ETV6: variants seen among roughly 807,000 people sequenced by gnomAD.
ETV6 encodes ETS variant transcription factor 6.
In ETV6, 16 loss-of-function variants were observed where a neutral mutation model predicts 51.1. The observed-to-expected ratio is 0.31, with a 90% CI of 0.21 to 0.48. The LOEUF (loss-of-function observed/expected upper bound fraction) is 0.48, where lower values mean the gene tolerates loss of function less well. Among genes scored for constraint, ETV6 ranks in the 20% least tolerant of loss-of-function variants. The probability of loss-of-function intolerance (pLI) is 0.99; values close to 1 mark genes in which losing one functional copy is unlikely to be tolerated. For missense variants in ETV6, 458 were observed against 594.8 expected (o/e 0.77, Z 2.39); for synonymous variants, 240 against 224.1 (o/e 1.07, Z -0.64).
intron 1 of ETV6, among the ~76,000 whole-genome samples, chr12:11,721,189 CA>C (rs539056883): frequency 3.9e-4 from 60 of 152,260 alleles, no homozygotes; most frequent in African/African-American, 1.4e-3. Context: ...AGCTACCATT[CA>C]GCCCATAAAT....
At chr12:11,855,008 A>G (rs770277461) in intron 4 of ETV6, among the ~76,000 whole-genome samples, 7 of 151,986 alleles carry the variant, frequency 4.6e-5, no homozygotes, top group Non-Finnish European at 1.0e-4. Context: ...TAAAAACCTT[A>G]CTTGAGGCCA....
intron 4 of ETV6, among the ~76,000 whole-genome samples, chr12:11,867,697 T>C (rs1946810058): frequency 6.6e-6 from 1 of 152,238 alleles, no homozygotes; most frequent in Non-Finnish European, 1.5e-5. Flanking sequence ...TCTTCATATA[T>C]GTATATTATC....
At chr12:11,678,875 C>T (rs1434199739) in intron 1 of ETV6, among the ~76,000 whole-genome samples, 1 of 152,104 alleles carries the variant, frequency 6.6e-6, no homozygotes, top group African/African-American at 2.4e-5. Flanking sequence ...AAGGGAGTGA[C>T]TGGTGAATTC....
rs181612766 is a variant in ETV6, at chr12:11,785,047, T to G, written c.163+32468T>G. On this transcript the variant is annotated intron_variant, in intron 2 of 7. Coordinates refer to ENST00000396373, the MANE Select transcript of ETV6 (RefSeq NM_001987.5). ...ATTAATAATTTGCCAATGAGAATTG[T>G]AAGCAATGGATTGACATGCTCTTTG... Among the ~76,000 whole-genome samples, 5 of 152,044 alleles carry G rather than the reference T, an allele frequency of 3.3e-5. No homozygotes were observed. In the East Asian group the frequency reaches 5.8e-4, roughly 18 times the overall value.
intron 1 of ETV6, among the ~76,000 whole-genome samples, chr12:11,713,273 C>A (rs1487091012): frequency 3.3e-5 from 5 of 152,136 alleles, no homozygotes; most frequent in Non-Finnish European, 5.9e-5. Context: ...CTAACACATA[C>A]GTGTGCATTG....
At chr12:11,817,844 G>A (rs1310091541) in intron 2 of ETV6, among the ~76,000 whole-genome samples, 3 of 152,110 alleles carry the variant, frequency 2.0e-5, no homozygotes, top group East Asian at 1.9e-4. Context: ...AATTTAACAC[G>A]GCGTCCTAGA....
At chr12:11,706,262 G>A (rs1021185938) in intron 1 of ETV6, among the ~76,000 whole-genome samples, 2 of 152,176 alleles carry the variant, frequency 1.3e-5, no homozygotes, top group East Asian at 1.9e-4. Flanking sequence ...GATAATAACC[G>A]TGTGAGAAAA....
chr12:11,767,078 G>A (rs1010324934), intron 2 of ETV6, among the ~76,000 whole-genome samples: 7 of 152,258 alleles, frequency 4.6e-5, no homozygotes, highest in South Asian at 2.1e-4. Context: ...CATTTGGGGC[G>A]TGAGAACAGT....
chr12:11,857,868 G>A lies in ETV6; in HGVS notation c.463+4307G>A, dbSNP rs1946654838. On this transcript the variant is annotated intron_variant, in intron 4 of 7. Transcript: ENST00000396373. ...TAAATGGTTTCTGCAGTCTCTTACA[G>A]CTCTCAAATCCCCACATTACGTCCA... is the stretch of plus-strand genomic sequence containing the variant. Among the ~76,000 whole-genome samples the A allele has an allele frequency of 2.6e-5, 4 of 152,192 alleles. No homozygotes were observed. The South Asian group carries it at 8.3e-4, about 31-fold the overall frequency.
intron 2 of ETV6, among the ~76,000 whole-genome samples, chr12:11,818,398 C>G (rs116849479): frequency 6.6e-6 from 1 of 151,998 alleles, no homozygotes; most frequent in African/African-American, 2.4e-5. Flanking sequence ...CGTGGTGATG[C>G]ATGCGTGTAA....
At chr12:11,652,390 T>A (rs1228072770) in intron 1 of ETV6, among the ~76,000 whole-genome samples, 1 of 152,194 alleles carries the variant, frequency 6.6e-6, no homozygotes, top group Non-Finnish European at 1.5e-5. Flanking sequence ...TTTCATTTAG[T>A]CCTTGGGATG....
intron 1 of ETV6, among the ~76,000 whole-genome samples, chr12:11,697,976 C>G (rs1864908808): frequency 6.6e-6 from 1 of 152,042 alleles, no homozygotes; most frequent in African/African-American, 2.4e-5. Context: ...GGCTGACTTG[C>G]CTAATTTGAA....
At chr12:11,810,965 A>G (rs1945904121) in intron 2 of ETV6, among the ~76,000 whole-genome samples, 1 of 151,944 alleles carries the variant, frequency 6.6e-6, no homozygotes, top group Non-Finnish European at 1.5e-5. Flanking sequence ...AACACCTCCA[A>G]TTCCAATTTT....
chr12:11,842,972 A>G (rs1471281282), intron 3 of ETV6, among the ~76,000 whole-genome samples: 2 of 152,234 alleles, frequency 1.3e-5, no homozygotes. Flanking sequence ...TTGGACATCT[A>G]AAACAAGAGG....
At position 11,650,034 on chromosome 12, in the gene ETV6, C is replaced by T; in HGVS notation, c.-94C>T. 1 of 1,138,196 alleles carries T rather than the reference C, an allele frequency of 8.8e-7. No homozygotes were observed. Among genetic ancestry groups the T allele is most frequent in the Non-Finnish European group, 1.3e-6 (1 of 750,806 alleles). The allele number at this position is 1,138,196 out of a possible 1,614,324, so 70.5% of individuals were successfully genotyped here. ...TGCTGGAAGAAACTTCTTAAATGAC[C>T]GCGTCTGGCTGGCCGTGGAGCCTTT... On this transcript the variant is annotated 5_prime_UTR_variant, in exon 1 of 8. Coordinates refer to ENST00000396373, the MANE Select transcript of ETV6 (RefSeq NM_001987.5).
chr12:11,675,506 T>G (rs1864407206), intron 1 of ETV6, among the ~76,000 whole-genome samples: 1 of 152,080 alleles, frequency 6.6e-6, no homozygotes, highest in Non-Finnish European at 1.5e-5. Context: ...AAGGCATAGG[T>G]TTTTTTTCCT....
At chr12:11,773,807 C>A (rs1197192207) in intron 2 of ETV6, among the ~76,000 whole-genome samples, 1 of 152,240 alleles carries the variant, frequency 6.6e-6, no homozygotes, top group African/African-American at 2.4e-5. Context: ...AGGCGGTCCT[C>A]TGAAGCTGAG....
At chr12:11,734,319 C>T (rs1189868031) in intron 1 of ETV6, among the ~76,000 whole-genome samples, 1 of 152,050 alleles carries the variant, frequency 6.6e-6, no homozygotes, top group African/African-American at 2.4e-5. Flanking sequence ...GAAATGACCA[C>T]ATCTGAACTG....
At chr12:11,674,279 C>T (rs935140541) in intron 1 of ETV6, among the ~76,000 whole-genome samples, 9 of 151,862 alleles carry the variant, frequency 5.9e-5, no homozygotes, top group African/African-American at 1.9e-4. Context: ...TTCAAATGGG[C>T]GTGTGGAGGA....
Sources: allele counts gnomAD v4.1 joint callset (sites outside exome capture counted in the v4.1 genomes callset), GRCh38; gene constraint gnomAD v4.1.1; transcripts MANE v1.5; gene names NCBI Gene and HGNC (gene_info 2026-07-23, HGNC 2026-07-21).